ZNF493: variants seen among roughly 807,000 people sequenced by gnomAD.
ZNF493 encodes zinc finger protein 493.
Under a neutral mutation model 12.2 loss-of-function variants are expected in ZNF493, and 11 were observed. The ratio of observed to expected loss-of-function variants is 0.90; its 90% CI spans 0.57 to 1.50. ZNF493 has a LOEUF of 1.50. ZNF493 is among the 40% of genes most tolerant of loss of function. The probability of loss-of-function intolerance (pLI) is 0.00; values close to 1 mark genes in which losing one functional copy is unlikely to be tolerated. For missense variants in ZNF493, 950 were observed against 906.6 expected, an observed-to-expected ratio of 1.05 and a Z score of -0.61; for synonymous variants, 286 against 302.6, an observed-to-expected ratio of 0.95 and a Z score of 0.57.
chr19:21,414,118 A>C (rs544674830), intron 3 of ZNF493: 1 of 152,348 alleles, frequency 6.6e-6, no homozygotes, highest in African/African-American at 2.4e-5. Context: ...AACACTGCAA[A>C]AGGTGATGTT....
intron 1 of ZNF493, among the ~76,000 whole-genome samples, chr19:21,401,379 C>G (rs2029938226): frequency 1.3e-5 from 2 of 152,202 alleles, no homozygotes; most frequent in Admixed American, 1.3e-4. Flanking sequence ...ATATTTTCAT[C>G]AATGTTCATT....
chr19:21,399,032 A>G (rs1409845263), intron 1 of ZNF493: 2 of 153,684 alleles, frequency 1.3e-5, no homozygotes, highest in Non-Finnish European at 2.9e-5. Flanking sequence ...GAAATACTGC[A>G]GTGTCTCCTG....
chr19:21,414,120 G>A (rs530310988), intron 3 of ZNF493: 1 of 152,334 alleles, frequency 6.6e-6, no homozygotes, highest in South Asian at 2.1e-4. Context: ...CACTGCAAAA[G>A]GTGATGTTTA....
At chr19:21,405,496 G>A in intron 2 of ZNF493, 1 of 1,337,516 alleles carries the variant, frequency 7.5e-7, no homozygotes, top group East Asian at 2.9e-5. Context: ...GGTAATTTCA[G>A]AAATTTAGTA....
intron 3 of ZNF493, among the ~76,000 whole-genome samples, chr19:21,409,370 T>C (rs1043863368): frequency 6.6e-6 from 1 of 151,030 alleles, no homozygotes; most frequent in Non-Finnish European, 1.5e-5. Context: ...TATAATTCTT[T>C]ATTTTTTTCA....
Position 21,422,963 on chromosome 19 carries a change from G to C in ZNF493, c.304G>C (p.Asp102His). Residue 102 changes from aspartate (D) to histidine (H), a missense_variant, in exon 4 of 4, where the codon GAT becomes CAT. Coordinates refer to ENST00000392288, the MANE Select transcript of ZNF493 (RefSeq NM_001076678.3). ...CTTTTGCCCAGGGCCAGGCATTAAA[G>C]ATTCTTTTCAAAAAGTGATACTGAG... ...EDFCPGPGIK[D>H]SFQKVILREY... 3 of 1,595,984 alleles carry C rather than the reference G, an allele frequency of 1.9e-6. No individual in the cohort carries two copies. The highest frequency in any genetic ancestry group is 2.6e-6 in the Non-Finnish European group (3 of 1,172,870).
Position 21,397,168 on chromosome 19 carries a change from C to G in ZNF493, c.-70C>G, listed in dbSNP as rs1308978264. On this transcript the variant is annotated 5_prime_UTR_variant, in exon 1 of 4. Transcript: ENST00000392288. Reference sequence around the variant, plus strand: ...TCTGCTGCCGGAGCTCCAGGTCTACCCTTCACTGCTCTGTGTCCTCAGCGT... The same window carrying G: ...TCTGCTGCCGGAGCTCCAGGTCTACGCTTCACTGCTCTGTGTCCTCAGCGT... 4 of 1,583,326 alleles carry G rather than the reference C, an allele frequency of 2.5e-6. No homozygotes were observed. Among genetic ancestry groups the G allele is most frequent in the South Asian group, 2.2e-5 (2 of 90,460 alleles).
At chr19:21,404,811 T>C (rs112847523) in intron 1 of ZNF493, among the ~76,000 whole-genome samples, 152 of 137,142 alleles carry the variant, frequency 1.1e-3, no homozygotes, top group African/African-American at 3.9e-3. Context: ...CTGAAAAATA[T>C]ACACAACTCA....
chr19:21,413,717 C>G (rs2145289753), intron 3 of ZNF493: 1 of 368,002 alleles, frequency 2.7e-6, no homozygotes, highest in South Asian at 1.3e-4. Flanking sequence ...ATCTCTACCC[C>G]AAGTTATTTT....
At chr19:21,397,403 G>C in intron 1 of ZNF493, 136 bp downstream of exon 1, 1 of 1,136,670 alleles carries the variant, frequency 8.8e-7, no homozygotes, top group East Asian at 2.4e-5. Flanking sequence ...TGCCCAGCTC[G>C]GCCTCAGTCT....
In ZNF493 at chr19:21,427,155, T is replaced by C. The variant is rs1270665304; in HGVS notation, c.*2171T>C. The C allele has an allele frequency of 6.0e-6, 1 of 167,074 alleles. No homozygotes were observed. The highest frequency in any genetic ancestry group is 2.4e-5 in the African/African-American group (1 of 41,460). 10.3% of individuals were successfully genotyped at this position (167,074 alleles called of 1,614,324 possible). ...TGAGTAAGAATATTAAAATGTAAGA[T>C]GCATGGTGAAAATCTAAGTGGAGAG... On this transcript the variant is annotated 3_prime_UTR_variant, in exon 4 of 4. Transcript: ENST00000392288.
intron 3 of ZNF493, among the ~76,000 whole-genome samples, chr19:21,419,116 G>C (rs2030580046): frequency 6.6e-6 from 1 of 152,256 alleles, no homozygotes; most frequent in Admixed American, 6.5e-5. Flanking sequence ...TGGCTTGTTA[G>C]CAGTAGTTCA....
intron 1 of ZNF493, among the ~76,000 whole-genome samples, chr19:21,401,668 C>G (rs1178083883): frequency 6.6e-6 from 1 of 151,748 alleles, no homozygotes; most frequent in Non-Finnish European, 1.5e-5. Flanking sequence ...CTCTGTCGCC[C>G]AGGCTGGAGT....
chr19:21,408,233 C>T (rs12983787), intron 3 of ZNF493: 379,967 of 755,306 alleles, frequency 0.5, 97,008 homozygotes, highest in East Asian at 0.64. Context: ...TCAAGCGATT[C>T]TCCTACCTCA....
intron 3 of ZNF493, chr19:21,408,059 T>G (rs950337480): frequency 8.3e-5 from 82 of 984,802 alleles, no homozygotes; most frequent in South Asian, 9.4e-5. Context: ...GGTTCTACAT[T>G]AGGGTCCATA....
Position 21,424,392 on chromosome 19 carries a change from G to A in ZNF493, c.1733G>A (p.Cys578Tyr), listed in dbSNP as rs775932826. Reference sequence around the variant, plus strand: ...CACAAACCCTACAAATGTAAAGAATGTGGCAAATCCTTTAGTGTATTCTCA... The same window carrying A: ...CACAAACCCTACAAATGTAAAGAATATGGCAAATCCTTTAGTGTATTCTCA... ...TGHKPYKCKE[C>Y]GKSFSVFSTL... Residue 578 changes from cysteine to tyrosine, a missense_variant, in exon 4 of 4, where the codon TGT (cysteine) becomes TAT (tyrosine). Cys to Tyr is a radical substitution (Grantham distance 194). Transcript: ENST00000392288. The A allele has an allele frequency of 2.5e-6, 4 of 1,613,228 alleles. No individual in the cohort carries two copies. The highest frequency in any genetic ancestry group is 2.2e-5 in the East Asian group (1 of 44,802).
At chr19:21,415,713 A>G (rs554299481) in intron 3 of ZNF493, among the ~76,000 whole-genome samples, 6 of 152,328 alleles carry the variant, frequency 3.9e-5, no homozygotes, top group African/African-American at 1.4e-4. Flanking sequence ...ACTGTTTAAC[A>G]TGCCTTGTGG....
At chr19:21,397,674 G>A (rs1599726287) in intron 1 of ZNF493, 2 of 432,904 alleles carry the variant, frequency 4.6e-6, no homozygotes, top group Non-Finnish European at 4.1e-6. Context: ...ATTTATGGGC[G>A]TCACTGCAAA....
chr19:21,405,475 T>C (rs2030091689), intron 2 of ZNF493: 3 of 1,360,756 alleles, frequency 2.2e-6, no homozygotes, highest in Middle Eastern at 2.7e-4. Flanking sequence ...TATCCTTCAC[T>C]CTACAGTAGT....
Sources: gnomAD v4.1 joint callset for allele counts (sites outside exome capture counted in the v4.1 genomes callset) on GRCh38, gnomAD v4.1.1 for gene constraint, MANE v1.5 for transcripts, NCBI Gene and HGNC (gene_info 2026-07-23, HGNC 2026-07-21) for gene names.